Variants in NLRC5 observed in about 807,000 individuals in gnomAD.
NLRC5 encodes NLR family CARD domain containing 5.
A neutral mutation model predicts 206.9 loss-of-function variants in NLRC5; 114 were observed. The ratio of observed to expected loss-of-function variants is 0.55; its 90% CI spans 0.47 to 0.64. The LOEUF (loss-of-function observed/expected upper bound fraction) is 0.64, where lower values mean the gene tolerates loss of function less well. Ranked by LOEUF, NLRC5 falls within the 30% of genes least tolerant of loss-of-function variation. The pLI is 0.00. For missense variants in NLRC5, 2,008 were observed against 2,305.5 expected (o/e 0.87, Z 2.64); for synonymous variants, 952 against 962.8 (o/e 0.99, Z 0.21).
intron 3 of NLRC5, among the ~76,000 whole-genome samples, chr16:57,021,321 GTGTTTTTTGTT>G (rs1310509756): frequency 6.6e-6 from 1 of 151,832 alleles, no homozygotes; most frequent in East Asian, 1.9e-4. Flanking sequence ...GGGTGGGGGG[GTGTTTTTTGTT>G]TGTTGTTGCT....
At chr16:57,034,849 C>A (rs1250477044) in intron 13 of NLRC5, 2 of 152,282 alleles carry the variant, frequency 1.3e-5, no homozygotes, top group Non-Finnish European at 2.9e-5. Flanking sequence ...TCTGTCACGA[C>A]CCTAGGAGGG....
intron 14 of NLRC5, 78 bp downstream of exon 14, chr16:57,036,261 A>ACCCTTACTGCTGATT: frequency 3.0e-6 from 4 of 1,344,622 alleles, no homozygotes; most frequent in Non-Finnish European, 4.2e-6. Flanking sequence ...CGTAATCAGC[A>ACCCTTACTGCTGATT]GTAAGGGTGC....
intron 1 of NLRC5, among the ~76,000 whole-genome samples, chr16:57,015,944 A>AAAAAAAAG (rs1567531360): frequency 8.3e-6 from 1 of 120,244 alleles, no homozygotes; most frequent in Admixed American, 9.6e-5. Context: ...AAAAAAAAAA[A>AAAAAAAAG]AAAAGAAAGA....
chr16:57,041,629 G>C (rs2063300090), intron 18 of NLRC5, 55 bp downstream of exon 18: 3 of 1,436,050 alleles, frequency 2.1e-6, no homozygotes, highest in Non-Finnish European at 2.9e-6. Context: ...CAGTGAGTTA[G>C]TGTTGGTGTT....
intron 14 of NLRC5, 141 bp from the exon 15 acceptor site, chr16:57,037,054 C>A: frequency 1.4e-6 from 1 of 724,708 alleles, no homozygotes; most frequent in African/African-American, 1.7e-5. Flanking sequence ...CACCAGAATC[C>A]TTTGAGATCC....
chr16:57,011,098 A>C (rs1304184546), intron 1 of NLRC5, among the ~76,000 whole-genome samples: 1 of 152,042 alleles, frequency 6.6e-6, no homozygotes, highest in Admixed American at 6.6e-5. Context: ...TAAAATATAC[A>C]CATGCCACAG....
Position 57,036,202 on chromosome 16 carries a change from C to T in NLRC5, c.2711+19C>T, listed in dbSNP as rs528627191. On this transcript the variant is annotated intron_variant, in intron 14 of 48. Coordinates refer to ENST00000688547, the MANE Select transcript of NLRC5 (RefSeq NM_001384950.1). ...AGCTGGAGTGAGTTGTCCACCCCAC[C>T]GCTGGGTACCAGGGAAGGCCCTGTA... is the stretch of plus-strand genomic sequence containing the variant. The T allele has an allele frequency of 4.3e-5, 69 of 1,609,952 alleles. No homozygotes were observed. The highest frequency in any genetic ancestry group is 6.7e-5 in the East Asian group (3 of 44,796).
In NLRC5 at chr16:57,078,011, G is replaced by A; in HGVS notation, c.5072G>A (p.Arg1691Lys). ...GLAQELPQHLRVLHLPFSHLG... is the reference protein window; with the variant it reads ...GLAQELPQHLKVLHLPFSHLG... ...GCTCAGGAGCTGCCCCAGCACCTGA[G>A]GGTCCTACAGTGAGTGGCCCCCTGC... The change falls in exon 43 of 49, where the codon AGG (arginine) becomes AAG (lysine). Residue 1691 changes from arginine to lysine, a missense_variant. Physicochemically the swap from Arg to Lys is conservative, Grantham distance 26 (BLOSUM62 2). Coordinates refer to ENST00000688547, the MANE Select transcript of NLRC5 (RefSeq NM_001384950.1). 1 of 1,599,286 alleles carries A rather than the reference G, an allele frequency of 6.3e-7. No individual in the cohort carries two copies. The highest frequency in any genetic ancestry group is 8.5e-7 in the Non-Finnish European group (1 of 1,169,746).
At chr16:57,001,797 T>C (rs980400093) in intron 1 of NLRC5, among the ~76,000 whole-genome samples, 3 of 152,184 alleles carry the variant, frequency 2.0e-5, no homozygotes, top group African/African-American at 7.2e-5. Context: ...GTTAAATTAT[T>C]ACTGACTATA....
At position 57,026,423 on chromosome 16, in the gene NLRC5, C is replaced by T; in HGVS notation, c.1480C>T (p.Leu494=). 1 of 1,614,120 alleles carries T rather than the reference C, an allele frequency of 6.2e-7. No homozygotes were observed. Among genetic ancestry groups the T allele is most frequent in the Non-Finnish European group, 8.5e-7 (1 of 1,180,018 alleles). ...LIAFGATHSL[L]TSFCVCTGPG... The stretch of plus-strand genomic sequence containing the variant: ...AGCTTTTGGGGCCACTCACAGCCTG[C>T]TGACTTCCTTCTGCGTCTGCACAGG... Residue 494 remains leucine, a synonymous_variant, in exon 6 of 49, where the codon CTG becomes TTG. Transcript: ENST00000688547.
intron 1 of NLRC5, chr16:57,004,164 G>C (rs947014095): frequency 6.6e-6 from 1 of 152,610 alleles, no homozygotes; most frequent in Non-Finnish European, 1.5e-5. Flanking sequence ...TTGTGAAAGA[G>C]AATGCCGGGG....
chr16:57,022,569 C>T (rs1313690281), intron 4 of NLRC5, among the ~76,000 whole-genome samples: 1 of 152,234 alleles, frequency 6.6e-6, no homozygotes, highest in Non-Finnish European at 1.5e-5. Context: ...TAACCTGGAA[C>T]CCCTCAGGAA....
chr16:57,014,984 G>A lies in NLRC5; in HGVS notation c.-127-2090G>A, dbSNP rs138015671. Among the ~76,000 whole-genome samples, 230 of 151,364 alleles carry A rather than the reference G, an allele frequency of 1.5e-3. 2 individuals carry two copies. The Middle Eastern group carries it at 0.017, about 11-fold the overall frequency. On this transcript the variant is annotated intron_variant, in intron 1 of 48. Transcript: ENST00000688547. ...TGCTCTGTTGCCCAGACTGGAGTGC[G>A]GTGGCATGATCTTGGCTCAATGCAA...
chr16:57,013,685 T>C lies in NLRC5; in HGVS notation c.-127-3389T>C, dbSNP rs2059734125. ...AATCTTGTATGATGAACTCACTTGC[T>C]GGTAACCTGGAATATGCTCCTTTGG... is the stretch of plus-strand genomic sequence containing the variant. On this transcript the variant is annotated intron_variant, in intron 1 of 48. Coordinates refer to ENST00000688547, the MANE Select transcript of NLRC5 (RefSeq NM_001384950.1). 4.7e-6 allele frequency: 4 copies of C among 846,084 alleles called. No homozygotes were observed. The South Asian group carries it at 5.4e-5, about 11-fold the overall frequency. The allele number at this position is 846,084 out of a possible 1,614,324, so 52.4% of individuals were successfully genotyped here.
At chr16:57,039,663 G>T in intron 15 of NLRC5, 118 bp from the exon 16 acceptor site, 2 of 862,448 alleles carry the variant, frequency 2.3e-6, no homozygotes, top group South Asian at 3.0e-5. Context: ...GCTTCAGTGA[G>T]CCATGATTGC....
chr16:57,037,527 C>T (rs9936776), intron 15 of NLRC5, among the ~76,000 whole-genome samples: 20,389 of 152,044 alleles, frequency 0.13, 1,634 homozygotes, highest in African/African-American at 0.2. Context: ...CAGGGTACAA[C>T]CCCCACTTTC....
intron 13 of NLRC5, 143 bp from the exon 14 acceptor site, chr16:57,035,957 A>G (rs1181077448): frequency 9.7e-6 from 7 of 720,824 alleles, no homozygotes; most frequent in Non-Finnish European, 1.7e-5. Flanking sequence ...GGCATGTGGT[A>G]TGGAGTCTGT....
rs757030804 is a variant in NLRC5 at position 57,040,676 on chromosome 16, T to C, written c.2897T>C (p.Leu966Pro). Reference protein sequence around the residue: ...ERAAFLDSLMLQMPSELPLSS... With the variant: ...ERAAFLDSLMPQMPSELPLSS... The stretch of plus-strand genomic sequence containing the variant: ...GCTGCATTTCTTGACAGCCTCATGC[T>C]CCAGATGCCCTCTGAGCTGCCTCTG... The change falls in exon 17 of 49, where the codon CTC becomes CCC. Residue 966 changes from leucine to proline, a missense_variant. Leu to Pro is a moderately conservative substitution (Grantham distance 98). Coordinates refer to ENST00000688547, the MANE Select transcript of NLRC5 (RefSeq NM_001384950.1). 11 of 1,614,016 alleles carry C rather than the reference T, an allele frequency of 6.8e-6. No individual in the cohort carries two copies. The highest frequency in any genetic ancestry group is 1.3e-5 in the African/African-American group (1 of 74,884).
intron 45 of NLRC5, 89 bp downstream of exon 45, chr16:57,079,381 T>C: frequency 6.7e-7 from 1 of 1,486,368 alleles, no homozygotes; most frequent in Non-Finnish European, 9.4e-7. Flanking sequence ...GGGAGGCCTT[T>C]GAAGTGATAG....
Sources: gnomAD v4.1 joint callset for allele counts (sites outside exome capture counted in the v4.1 genomes callset) on GRCh38, gnomAD v4.1.1 for gene constraint, MANE v1.5 for transcripts, NCBI Gene and HGNC (gene_info 2026-07-23, HGNC 2026-07-21) for gene names.